The following RTL4 variants were observed in gnomAD, a reference collection of about 807,000 sequenced individuals.
RTL4 encodes retrotransposon Gag-like protein 4.
RTL4 carries 4 observed loss-of-function variants against 5.3 expected under a neutral mutation model. That is an observed-to-expected ratio of 0.75 (90% CI 0.37 to 1.72). The LOEUF (loss-of-function observed/expected upper bound fraction) is 1.72. RTL4 is among the 40% of genes most tolerant of loss of function. RTL4 has a pLI of 0.04. For missense variants in RTL4, 260 were observed against 227.1 expected (o/e 1.14, Z -0.93); for synonymous variants, 98 against 87.3 (o/e 1.12, Z -0.68).
chrX:112,270,219 A>T, the RTL4 span, among the ~76,000 whole-genome samples: 4 of 112,313 alleles, frequency 3.6e-5, no homozygotes, highest in Non-Finnish European at 5.6e-5. Context: ...TTTGCCAGGC[A>T]CTTTAAAGTC....
At chrX:112,147,176 C>A in the RTL4 span, among the ~76,000 whole-genome samples, 2 of 108,633 alleles carry the variant, frequency 1.8e-5, no homozygotes, top group Non-Finnish European at 3.8e-5. Context: ...AGCAACGATA[C>A]CCTCTCATCT....
the RTL4 span, among the ~76,000 whole-genome samples, chrX:112,332,752 G>A: frequency 1.8e-5 from 2 of 109,808 alleles, no homozygotes; most frequent in Non-Finnish European, 3.8e-5. Flanking sequence ...AATGGGTGCA[G>A]CACACCAACA....
chrX:112,393,254 A>G, the RTL4 span, among the ~76,000 whole-genome samples: 1 of 102,217 alleles, frequency 9.8e-6, no homozygotes, highest in Middle Eastern at 5.0e-3. Flanking sequence ...GCTCACTGCA[A>G]CCTCCGCCTC....
At chrX:112,098,685 T>C in the RTL4 span, among the ~76,000 whole-genome samples, 1 of 111,755 alleles carries the variant, frequency 8.9e-6, no homozygotes, top group East Asian at 2.8e-4. Context: ...CATTGTGGTT[T>C]TGATTTGCAT....
the RTL4 span, among the ~76,000 whole-genome samples, chrX:112,256,515 T>A: frequency 0.19 from 20,660 of 111,250 alleles, 1,395 homozygotes; most frequent in African/African-American, 0.24. Flanking sequence ...ACACAGAAGC[T>A]CCATAATTTG....
the RTL4 span, among the ~76,000 whole-genome samples, chrX:112,177,416 C>G: frequency 9.0e-6 from 1 of 111,009 alleles, no homozygotes; most frequent in Non-Finnish European, 1.9e-5. Context: ...TTTGCATTTT[C>G]CTGATGATTT....
At chrX:112,156,342 G>T in the RTL4 span, among the ~76,000 whole-genome samples, 4,779 of 112,333 alleles carry the variant, frequency 0.043, 258 homozygotes, top group African/African-American at 0.15. Flanking sequence ...ACTTCAGGAG[G>T]CATTCAAAAT....
chrX:112,147,903 A>G, the RTL4 span, among the ~76,000 whole-genome samples: 1 of 110,374 alleles, frequency 9.1e-6, no homozygotes, highest in Admixed American at 9.6e-5. Context: ...TAAAAGTCAG[A>G]CCTCCCCCTC....
At chrX:112,197,898 G>A in the RTL4 span, among the ~76,000 whole-genome samples, 1 of 112,107 alleles carries the variant, frequency 8.9e-6, no homozygotes, top group Non-Finnish European at 1.9e-5. Flanking sequence ...GGAAACAGAA[G>A]TCCCAAATTA....
chrX:112,238,119 C>T, the RTL4 span, among the ~76,000 whole-genome samples: 1 of 112,000 alleles, frequency 8.9e-6, no homozygotes, highest in Non-Finnish European at 1.9e-5. Context: ...TAACTATTAG[C>T]ATTTTGCCCT....
chrX:112,380,657 TGATGTTCTGG>T, the RTL4 span, among the ~76,000 whole-genome samples: 17 of 112,130 alleles, frequency 1.5e-4, no homozygotes, highest in Admixed American at 2.8e-4. Context: ...GAAACTTCCA[TGATGTTCTGG>T]GCTGCGAACG....
chrX:112,222,119 T>G, the RTL4 span, among the ~76,000 whole-genome samples: 1 of 111,806 alleles, frequency 8.9e-6, no homozygotes, highest in East Asian at 2.8e-4. Flanking sequence ...AATTATTTTC[T>G]TGAATATATG....
At chrX:112,150,395 G>T in the RTL4 span, among the ~76,000 whole-genome samples, 1 of 111,394 alleles carries the variant, frequency 9.0e-6, no homozygotes, top group African/African-American at 3.3e-5. Context: ...CAACCAATTG[G>T]TTCTGACTGA....
the RTL4 span, among the ~76,000 whole-genome samples, chrX:112,258,832 C>T: frequency 4.5e-5 from 5 of 111,267 alleles, no homozygotes; most frequent in Non-Finnish European, 1.9e-5. Context: ...AGTATTTTTA[C>T]AATTTTATTT....
chrX:112,180,240 A>C, the RTL4 span, among the ~76,000 whole-genome samples: 30 of 111,460 alleles, frequency 2.7e-4, no homozygotes, highest in Non-Finnish European at 5.1e-4. Context: ...CTTAAAATTG[A>C]CATTGAAGTC....
At chrX:112,261,954 G>A in the RTL4 span, among the ~76,000 whole-genome samples, 8 of 111,763 alleles carry the variant, frequency 7.2e-5, no homozygotes, top group East Asian at 2.2e-3. Flanking sequence ...AGGATTCCCT[G>A]TTTCAGAAAT....
the RTL4 span, among the ~76,000 whole-genome samples, chrX:112,297,614 C>T: frequency 9.0e-6 from 1 of 111,545 alleles, no homozygotes; most frequent in South Asian, 3.9e-4. Context: ...CACAATTCAG[C>T]ATGAGATTTG....
chrX:112,199,568 C>T, the RTL4 span, among the ~76,000 whole-genome samples: 33 of 111,161 alleles, frequency 3.0e-4, no homozygotes, highest in African/African-American at 1.0e-3. Flanking sequence ...TTTTGTATTT[C>T]ATTATTGGAG....
the RTL4 span, among the ~76,000 whole-genome samples, chrX:112,429,592 CA>C: frequency 5.8e-3 from 608 of 104,611 alleles, 1 homozygote; most frequent in African/African-American, 0.013. Context: ...TCAGTTAAGC[CA>C]AAAAAAAAAT....
Sources: allele counts gnomAD v4.1 joint callset (sites outside exome capture counted in the v4.1 genomes callset), GRCh38; gene constraint gnomAD v4.1.1; transcripts MANE v1.5; gene names NCBI Gene and HGNC (gene_info 2026-07-23, HGNC 2026-07-21).